MAGI3: variants seen among roughly 807,000 people sequenced by gnomAD.
The protein encoded by MAGI3 is membrane associated guanylate kinase, WW and PDZ domain containing 3.
Under a neutral mutation model 121.8 loss-of-function variants are expected in MAGI3, and 43 were observed. That is an observed-to-expected ratio of 0.35 (90% confidence interval 0.28 to 0.46). The LOEUF is 0.46. Ranked by LOEUF, MAGI3 falls within the 20% of genes least tolerant of loss-of-function variation. The pLI is 1.00. For missense variants in MAGI3, 1,547 were observed against 1,797.3 expected, an observed-to-expected ratio of 0.86 and a Z score of 2.52; for synonymous variants, 553 against 639.3, an observed-to-expected ratio of 0.86 and a Z score of 2.04.
intron 9 of MAGI3, among the ~76,000 whole-genome samples, chr1:113,640,923 T>TAAAATATATCATATATATATATA (rs1159148233): frequency 1.7e-5 from 1 of 58,788 alleles, no homozygotes; most frequent in Non-Finnish European, 3.4e-5. Flanking sequence ...ATATGATATA[T>TAAAATATATCATATATATATATA]TTTATATATC....
intron 1 of MAGI3, among the ~76,000 whole-genome samples, chr1:113,544,274 CT>C (rs571271008): frequency 4.3e-4 from 66 of 152,282 alleles, no homozygotes; most frequent in Non-Finnish European, 2.9e-4. Flanking sequence ...GACTGCTATT[CT>C]GAGTCCTGGT....
At chr1:113,407,260 C>T (rs942789866) in intron 1 of MAGI3, among the ~76,000 whole-genome samples, 2 of 152,010 alleles carry the variant, frequency 1.3e-5, no homozygotes, top group Non-Finnish European at 2.9e-5. Context: ...TAAATGATGG[C>T]TTGGACTTAT....
intron 2 of MAGI3, among the ~76,000 whole-genome samples, chr1:113,570,350 A>T (rs933533570): frequency 8.5e-5 from 13 of 152,160 alleles, no homozygotes; most frequent in Non-Finnish European, 1.6e-4. Flanking sequence ...TGCAATAAAC[A>T]TACATGTGCA....
chr1:113,546,658 T>A (rs1376513188), intron 1 of MAGI3, among the ~76,000 whole-genome samples: 1 of 151,488 alleles, frequency 6.6e-6, no homozygotes. Flanking sequence ...CTTACAAAAT[T>A]GTCCCTCACA....
At chr1:113,602,706 C>A (rs1029094363) in intron 6 of MAGI3, among the ~76,000 whole-genome samples, 1 of 152,138 alleles carries the variant, frequency 6.6e-6, no homozygotes, top group Non-Finnish European at 1.5e-5. Flanking sequence ...CCAAGGCAGG[C>A]AGATTGCTTG....
chr1:113,519,527 TGTG>T (rs1323074979), intron 1 of MAGI3, among the ~76,000 whole-genome samples: 6 of 152,244 alleles, frequency 3.9e-5, no homozygotes, highest in Admixed American at 3.3e-4. Flanking sequence ...CACTTCCAAG[TGTG>T]GTGATTTGTT....
chr1:113,548,552 C>T (rs1182548401), intron 1 of MAGI3, among the ~76,000 whole-genome samples: 1 of 152,136 alleles, frequency 6.6e-6, no homozygotes, highest in Admixed American at 6.5e-5. Flanking sequence ...TTTCGAAGAT[C>T]AGAAAGATGG....
At chr1:113,614,127 C>T (rs1310266677) in intron 6 of MAGI3, among the ~76,000 whole-genome samples, 1 of 152,102 alleles carries the variant, frequency 6.6e-6, no homozygotes, top group Non-Finnish European at 1.5e-5. Flanking sequence ...AGGTTTTAAG[C>T]AAATCTAGAT....
In MAGI3 at chr1:113,422,645, A is replaced by G. The variant is rs188974415; in HGVS notation, c.316+31296A>G. On this transcript the variant is annotated intron_variant, in intron 1 of 20. Coordinates refer to ENST00000307546, the MANE Select transcript of MAGI3 (RefSeq NM_001142782.2). This position sits in a 1 kb window ranked among gnomAD's most constrained non-coding sequence, Gnocchi z 4.3. Reference sequence around the variant, plus strand: ...GTGCAAGGGTGCATCTATACCAGACATACCGCAAGCAGCTTCTGCTGCGGG... The same window carrying G: ...GTGCAAGGGTGCATCTATACCAGACGTACCGCAAGCAGCTTCTGCTGCGGG... Among the ~76,000 whole-genome samples the G allele has an allele frequency of 2.0e-5, 3 of 152,358 alleles. No individual in the cohort carries two copies. The highest frequency in any genetic ancestry group is 1.3e-4 in the Admixed American group (2 of 15,306).
chr1:113,631,076 C>A (rs1440872616), intron 9 of MAGI3, among the ~76,000 whole-genome samples: 1 of 152,078 alleles, frequency 6.6e-6, no homozygotes, highest in Non-Finnish European at 1.5e-5. Context: ...CTGAGTACAG[C>A]CTGGTTCTGC....
intron 1 of MAGI3, among the ~76,000 whole-genome samples, chr1:113,528,293 C>A (rs1361014668): frequency 6.8e-6 from 1 of 145,996 alleles, no homozygotes. Flanking sequence ...CCTCCCCCAA[C>A]CTTTTTTTTT....
At chr1:113,474,276 C>T (rs1655693837) in intron 1 of MAGI3, among the ~76,000 whole-genome samples, 1 of 152,122 alleles carries the variant, frequency 6.6e-6, no homozygotes, top group Admixed American at 6.6e-5. Flanking sequence ...AATTAGATCC[C>T]ATTTGTCTAT....
intron 1 of MAGI3, among the ~76,000 whole-genome samples, chr1:113,403,262 G>T (rs17031520): frequency 3.9e-5 from 6 of 151,952 alleles, no homozygotes; most frequent in African/African-American, 1.5e-4. Context: ...TGCTACTGTA[G>T]CTGTGATCCA....
chr1:113,595,435 A>G (rs1648940002), intron 6 of MAGI3, among the ~76,000 whole-genome samples: 1 of 152,224 alleles, frequency 6.6e-6, no homozygotes, highest in Admixed American at 6.5e-5. Context: ...TTGTATTACT[A>G]ATCAGAAACT....
intron 2 of MAGI3, among the ~76,000 whole-genome samples, chr1:113,553,581 T>G (rs970372628): frequency 1.3e-5 from 2 of 152,104 alleles, no homozygotes; most frequent in African/African-American, 4.8e-5. Context: ...GCTAAAATAG[T>G]CAGATAAAGC....
intron 1 of MAGI3, among the ~76,000 whole-genome samples, chr1:113,484,482 G>C (rs926748114): frequency 6.6e-6 from 1 of 152,044 alleles, no homozygotes; most frequent in African/African-American, 2.4e-5. Context: ...TCCCACATAT[G>C]AGTGAGAACA....
intron 1 of MAGI3, among the ~76,000 whole-genome samples, chr1:113,524,859 AC>A (rs771327187): frequency 8.5e-5 from 13 of 152,168 alleles, no homozygotes; most frequent in Non-Finnish European, 1.5e-4. Flanking sequence ...CTGTGTTCCC[AC>A]CCAAATCTCA....
intron 16 of MAGI3, among the ~76,000 whole-genome samples, chr1:113,661,144 A>G (rs763155825): frequency 6.6e-6 from 1 of 152,176 alleles, no homozygotes; most frequent in Non-Finnish European, 1.5e-5. Flanking sequence ...AGTAATATCT[A>G]TTTCAGTATC....
At position 113,391,156 on chromosome 1, in the gene MAGI3, G is replaced by A. The variant is rs374391420; in HGVS notation, c.123G>A (p.Glu41=). The A allele has an allele frequency of 1.3e-3, 2,055 of 1,559,424 alleles. 12 individuals carry two copies. The highest frequency in any genetic ancestry group is 8.4e-3 in the Middle Eastern group (46 of 5,472). ...AEIRGGAERG[E]FPYLGRLREE... Reference sequence around the variant, plus strand: ...TCCGCGGTGGCGCGGAGCGTGGCGAGTTCCCCTACCTGGGGCGGCTCCGCG... The same window carrying A: ...TCCGCGGTGGCGCGGAGCGTGGCGAATTCCCCTACCTGGGGCGGCTCCGCG... Residue 41 remains glutamate, a synonymous_variant, in exon 1 of 21, where the codon GAG becomes GAA. Transcript: ENST00000307546. The surrounding 1 kb of genome is among the most constrained non-coding windows in gnomAD (Gnocchi z 4.4).
Sources: allele counts gnomAD v4.1 joint callset (sites outside exome capture counted in the v4.1 genomes callset), GRCh38; gene constraint gnomAD v4.1.1; non-coding constraint Gnocchi (gnomAD v3.1); transcripts MANE v1.5; gene names NCBI Gene and HGNC (gene_info 2026-07-23, HGNC 2026-07-21).